The following PRKCA variants were observed in gnomAD, a reference collection of about 807,000 sequenced individuals.
The protein encoded by PRKCA is protein kinase C alpha type.
Under a neutral mutation model 87.0 loss-of-function variants are expected in PRKCA, and 27 were observed. The ratio of observed to expected loss-of-function variants is 0.31; its 90% confidence interval spans 0.23 to 0.43. The LOEUF is 0.43. Ranked by LOEUF, PRKCA falls within the 20% of genes least tolerant of loss-of-function variation. The pLI is 1.00. For missense variants in PRKCA, 518 were observed against 852.3 expected, an observed-to-expected ratio of 0.61 and a Z score of 4.88; for synonymous variants, 329 against 311.1, an observed-to-expected ratio of 1.06 and a Z score of -0.61.
intron 3 of PRKCA, among the ~76,000 whole-genome samples, chr17:66,618,431 TTACTC>T (rs959202360): frequency 2.6e-5 from 4 of 152,192 alleles, no homozygotes; most frequent in African/African-American, 9.7e-5. Flanking sequence ...CATACAGTCT[TTACTC>T]TGTCTATAGT....
chr17:66,774,083 A>G lies in PRKCA; in HGVS notation c.1605+16A>G. ...TGCCGGGCAGGTAATGTTTTGCTAC[A>G]TTTTCATGTTTGTTTATTGCTGTGT... On this transcript the variant is annotated intron_variant, in intron 14 of 16. Transcript: ENST00000413366. 3 of 1,613,748 alleles carry G rather than the reference A, an allele frequency of 1.9e-6. No individual in the cohort carries two copies. The highest frequency in any genetic ancestry group is 1.6e-4 in the Middle Eastern group (1 of 6,062).
intron 3 of PRKCA, among the ~76,000 whole-genome samples, chr17:66,613,901 G>T (rs1039203865): frequency 1.4e-5 from 2 of 141,112 alleles, no homozygotes; most frequent in Non-Finnish European, 3.0e-5. Context: ...TTGTGCCTCA[G>T]CCTCCCTAGT....
chr17:66,683,072 T>C lies in PRKCA; in HGVS notation c.530-4039T>C, dbSNP rs189960883. Among the ~76,000 whole-genome samples the C allele has an allele frequency of 5.7e-3, 868 of 152,366 alleles. 7 individuals are homozygous for C. The highest frequency in any genetic ancestry group is 5.8e-3 in the Non-Finnish European group (397 of 68,038). ...GCAGCAAAGACTTCTGGGGCTGGAATATCCTTAACACACTAGCGCTTGTTA... is the reference window on the plus strand; with the variant it reads ...GCAGCAAAGACTTCTGGGGCTGGAACATCCTTAACACACTAGCGCTTGTTA... On this transcript the variant is annotated intron_variant, in intron 5 of 16. Coordinates refer to ENST00000413366, the MANE Select transcript of PRKCA (RefSeq NM_002737.3).
At chr17:66,454,751 C>A (rs561892018) in intron 2 of PRKCA, among the ~76,000 whole-genome samples, 2 of 152,210 alleles carry the variant, frequency 1.3e-5, no homozygotes, top group African/African-American at 4.8e-5. Context: ...GCTCCCTCCC[C>A]CAATGTGTAG....
At chr17:66,518,869 T>A (rs1421226036) in intron 3 of PRKCA, among the ~76,000 whole-genome samples, 4 of 152,186 alleles carry the variant, frequency 2.6e-5, no homozygotes, top group Admixed American at 2.6e-4. Flanking sequence ...TGGAGTTGCT[T>A]TGTTAATACC....
chr17:66,758,881 T>A (rs1974616149), intron 13 of PRKCA, among the ~76,000 whole-genome samples: 1 of 152,236 alleles, frequency 6.6e-6, no homozygotes, highest in African/African-American at 2.4e-5. Flanking sequence ...AAAATACTTT[T>A]AGTATTCTTG....
chr17:66,644,967 G>A (rs892984835), intron 4 of PRKCA, among the ~76,000 whole-genome samples: 1 of 150,928 alleles, frequency 6.6e-6, no homozygotes. Context: ...TCTAGCCTGA[G>A]AGACAAAAGG....
chr17:66,724,911 C>A (rs936053504), intron 8 of PRKCA, among the ~76,000 whole-genome samples: 12 of 152,184 alleles, frequency 7.9e-5, no homozygotes, highest in African/African-American at 2.9e-4. Context: ...GGCCAGTTGC[C>A]AAACAATACA....
At chr17:66,725,526 A>G (rs1973724107) in intron 8 of PRKCA, among the ~76,000 whole-genome samples, 1 of 151,990 alleles carries the variant, frequency 6.6e-6, no homozygotes, top group Non-Finnish European at 1.5e-5. Context: ...TCCAAGAAGA[A>G]GAGGCTGGGT....
intron 16 of PRKCA, among the ~76,000 whole-genome samples, chr17:66,797,257 G>A (rs1975691850): frequency 6.6e-6 from 1 of 152,224 alleles, no homozygotes; most frequent in South Asian, 2.1e-4. Context: ...CAAGGCTCCA[G>A]TGGGGGCACA....
chr17:66,654,604 C>G (rs1347110771), intron 5 of PRKCA, among the ~76,000 whole-genome samples: 1 of 152,230 alleles, frequency 6.6e-6, no homozygotes, highest in Non-Finnish European at 1.5e-5. Context: ...CCCTTGAGTA[C>G]AGACACAGCC....
chr17:66,461,689 C>T (rs982606346), intron 2 of PRKCA, among the ~76,000 whole-genome samples: 1 of 152,176 alleles, frequency 6.6e-6, no homozygotes, highest in African/African-American at 2.4e-5. Flanking sequence ...AATAGAAAAA[C>T]AGTATTCACT....
At chr17:66,313,566 A>G (rs1202863798) in intron 2 of PRKCA, among the ~76,000 whole-genome samples, 1 of 152,200 alleles carries the variant, frequency 6.6e-6, no homozygotes, top group Non-Finnish European at 1.5e-5. Context: ...GGGCTATAGC[A>G]GGAGGGGGAA....
intron 2 of PRKCA, among the ~76,000 whole-genome samples, chr17:66,319,935 G>T (rs572729886): frequency 6.6e-6 from 1 of 151,970 alleles, no homozygotes; most frequent in African/African-American, 2.4e-5. Context: ...GTAGAGACAG[G>T]GTTTCGCCAT....
rs1488704782 is a variant in PRKCA at position 66,786,918 on chromosome 17, CACA to C, written c.1660_1662del (p.Asn554del). ...CGAGCTATTTCAGTCTATCATGGAG[CACA>C]ACGTTTCCTATCCAAAATCCTTGTC... On this transcript the variant is annotated inframe_deletion, in exon 15 of 17. Coordinates refer to ENST00000413366, the MANE Select transcript of PRKCA (RefSeq NM_002737.3). 6.2e-7 allele frequency: 1 copy of C among 1,614,056 alleles called. No individual in the cohort carries two copies. The highest frequency in any genetic ancestry group is 8.5e-7 in the Non-Finnish European group (1 of 1,180,022).
intron 2 of PRKCA, among the ~76,000 whole-genome samples, chr17:66,421,717 T>G (rs888198279): frequency 6.8e-6 from 1 of 147,248 alleles, no homozygotes; most frequent in African/African-American, 2.6e-5. Context: ...TTTTTTTTTT[T>G]CTTTTAGTGG....
rs869036727 is a variant in PRKCA, at chr17:66,587,869, ATGTGTG to A, written c.289-53464_289-53459del. Among the ~76,000 whole-genome samples, 308 of 78,986 alleles carry A rather than the reference ATGTGTG, an allele frequency of 3.9e-3. 8 individuals carry two copies. The highest frequency in any genetic ancestry group is 6.0e-3 in the South Asian group (12 of 1,986). The allele number at this position is 78,986 out of a possible 152,430, so 51.8% of individuals were successfully genotyped here. A position where few individuals can be genotyped will look rare whatever the true frequency, so the allele number is the denominator to read the frequency against. On this transcript the variant is annotated intron_variant, in intron 3 of 16. Transcript: ENST00000413366. The stretch of plus-strand genomic sequence containing the variant: ...TCTACATATACATATATACATATGT[ATGTGTG>A]TGTGTGTGTGTGTGTGTGTGTATAT...
intron 3 of PRKCA, among the ~76,000 whole-genome samples, chr17:66,547,222 C>G (rs1323690704): frequency 6.6e-6 from 1 of 152,194 alleles, no homozygotes. Context: ...CTCCCCTCCA[C>G]TTATCTTTCA....
chr17:66,464,492 A>G (rs901469565), intron 2 of PRKCA, among the ~76,000 whole-genome samples: 10 of 152,240 alleles, frequency 6.6e-5, no homozygotes, highest in African/African-American at 1.4e-4. Context: ...CCCTCCAGCA[A>G]TGAATGAGAG....
Sources: allele counts gnomAD v4.1 joint callset (sites outside exome capture counted in the v4.1 genomes callset), GRCh38; gene constraint gnomAD v4.1.1; transcripts MANE v1.5; gene names NCBI Gene and HGNC (gene_info 2026-07-23, HGNC 2026-07-21).